The following JMJD1C variants were observed in gnomAD, a reference collection of about 807,000 sequenced individuals.
The protein encoded by JMJD1C is jumonji domain-containing protein 1C.
A neutral mutation model predicts 245.3 loss-of-function variants in JMJD1C; 31 were observed. The observed-to-expected ratio is 0.13, with a 90% confidence interval of 0.09 to 0.17. JMJD1C has a LOEUF of 0.17. Ranked by LOEUF, JMJD1C falls within the 10% of genes least tolerant of loss-of-function variation. The pLI, the probability that JMJD1C is intolerant of heterozygous loss-of-function variation, is 1.00. For missense variants in JMJD1C, 2,691 were observed against 3,000.2 expected, an observed-to-expected ratio of 0.90 and a Z score of 2.41; for synonymous variants, 1,057 against 1,017.4, an observed-to-expected ratio of 1.04 and a Z score of -0.74.
intron 3 of JMJD1C, among the ~76,000 whole-genome samples, chr10:63,238,637 GT>G (rs889130403): frequency 6.6e-6 from 1 of 152,082 alleles, no homozygotes; most frequent in African/African-American, 2.4e-5. Context: ...AGTTGTAACT[GT>G]TTTTTAGTTC....
intron 1 of JMJD1C, among the ~76,000 whole-genome samples, chr10:63,444,554 G>A (rs867246190): frequency 6.6e-6 from 1 of 151,950 alleles, no homozygotes; most frequent in Non-Finnish European, 1.5e-5. Flanking sequence ...GATTACAGGC[G>A]TGCGCCTCCG....
intron 1 of JMJD1C, among the ~76,000 whole-genome samples, chr10:63,512,604 G>C (rs889614883): frequency 6.6e-6 from 1 of 151,946 alleles, no homozygotes; most frequent in African/African-American, 2.4e-5. Flanking sequence ...TTCCTCCCTG[G>C]CCTCTTTCAA....
intron 3 of JMJD1C, among the ~76,000 whole-genome samples, chr10:63,236,712 C>G (rs567058020): frequency 6.6e-6 from 1 of 152,252 alleles, no homozygotes; most frequent in East Asian, 1.9e-4. Context: ...ACAACCCAAG[C>G]TTTAAGAAGT....
At chr10:63,352,100 C>G (rs191542753) in intron 2 of JMJD1C, among the ~76,000 whole-genome samples, 2 of 152,082 alleles carry the variant, frequency 1.3e-5, no homozygotes, top group Admixed American at 1.3e-4. Context: ...CCAATGAAGA[C>G]AGAAAACAAA....
At chr10:63,398,989 C>A (rs9415704) in intron 1 of JMJD1C, among the ~76,000 whole-genome samples, 1 of 152,188 alleles carries the variant, frequency 6.6e-6, no homozygotes, top group Non-Finnish European at 1.5e-5. Context: ...TCAAACCTTT[C>A]GCTTCTTGGA....
At chr10:63,475,052 C>T (rs1186304789) in intron 1 of JMJD1C, among the ~76,000 whole-genome samples, 2 of 151,892 alleles carry the variant, frequency 1.3e-5, no homozygotes, top group African/African-American at 2.4e-5. Context: ...GATGGTTAAG[C>T]GAGTATAAAA....
At chr10:63,460,161 T>A (rs905815433) in intron 1 of JMJD1C, among the ~76,000 whole-genome samples, 1 of 152,074 alleles carries the variant, frequency 6.6e-6, no homozygotes, top group Non-Finnish European at 1.5e-5. Flanking sequence ...AAAGATAGAA[T>A]GGATACTGCG....
At chr10:63,315,767 G>A (rs1376546466) in intron 2 of JMJD1C, among the ~76,000 whole-genome samples, 8 of 149,374 alleles carry the variant, frequency 5.4e-5, no homozygotes, top group South Asian at 4.2e-4. Context: ...TTGAACCCAC[G>A]AGGCAGAGGT....
intron 1 of JMJD1C, among the ~76,000 whole-genome samples, chr10:63,508,825 G>C (rs1027775274): frequency 1.3e-5 from 2 of 152,186 alleles, no homozygotes. Context: ...ACAAGTTCCA[G>C]AAGTAATTTT....
At chr10:63,432,152 C>G (rs1053175928) in intron 1 of JMJD1C, among the ~76,000 whole-genome samples, 18 of 152,314 alleles carry the variant, frequency 1.2e-4, no homozygotes, top group African/African-American at 3.8e-4. Context: ...GGCAAACTCT[C>G]CTCACTACCA....
chr10:63,205,813 T>C (rs1846537978), intron 10 of JMJD1C, among the ~76,000 whole-genome samples: 1 of 152,126 alleles, frequency 6.6e-6, no homozygotes, highest in African/African-American at 2.4e-5. Context: ...CTGTCATATA[T>C]ACATTCCATC....
rs1020421317 is a variant in JMJD1C, at chr10:63,465,592, C to A, written c.71G>T (p.Arg24Leu). 4 of 1,609,630 alleles carry A rather than the reference C, an allele frequency of 2.5e-6. No individual in the cohort carries two copies. The highest frequency in any genetic ancestry group is 3.4e-6 in the Non-Finnish European group (4 of 1,179,874). Residue 24 changes from arginine (R) to leucine (L), a missense_variant, in exon 1 of 26, where the codon CGT (arginine) becomes CTT (leucine). Arg to Leu is a moderately radical substitution (Grantham distance 102). This residue lies in a region of JMJD1C where 135 missense variants were observed against 115.5 expected (regional missense o/e 1.17). Transcript: ENST00000399262. Reference sequence around the variant, plus strand: ...GCGTCCGCTCTCCCAGCGCTCCGAACGTGCCTCGTCGCCGACCGCCACACA... The same window carrying A: ...GCGTCCGCTCTCCCAGCGCTCCGAAAGTGCCTCGTCGCCGACCGCCACACA... The part of the protein sequence containing the change: ...FLCVAVGDEA[R>L]SERWESGRGW...
Position 63,206,617 on chromosome 10 carries a change from C to T in JMJD1C, c.5052G>A (p.Leu1684=). 2 of 1,592,544 alleles carry T rather than the reference C, an allele frequency of 1.3e-6. No homozygotes were observed. The highest frequency in any genetic ancestry group is 2.2e-5 in the East Asian group (1 of 44,726). Residue 1684 remains leucine (L), a synonymous_variant, in exon 10 of 26, where the codon CTG becomes CTA. Coordinates refer to ENST00000399262, the MANE Select transcript of JMJD1C (RefSeq NM_032776.3). ...TACTATTACTGTTGCTTTGCAACTT[C>T]AGTTTACTTCTTTCTTTGGCACTCC... The part of the protein sequence containing the change: ...LSRSAKERSK[L]KLQSNSNTGI...
At chr10:63,190,745 AAG>A (rs1474835990) in intron 17 of JMJD1C, 147 bp downstream of exon 17, 2 of 652,650 alleles carry the variant, frequency 3.1e-6, no homozygotes, top group Admixed American at 2.7e-5. Flanking sequence ...TTTCAAGGTA[AAG>A]AGAGTTATAA....
upstream of JMJD1C, among the ~76,000 whole-genome samples, chr10:63,467,420 A>G (rs187357525): frequency 2.7e-4 from 41 of 152,346 alleles, no homozygotes; most frequent in East Asian, 5.2e-3. Context: ...CAGCAGGAGA[A>G]TCACTTGAAC....
chr10:63,199,938 G>C (rs1589129046), intron 11 of JMJD1C, among the ~76,000 whole-genome samples: 1 of 152,062 alleles, frequency 6.6e-6, no homozygotes, highest in Non-Finnish European at 1.5e-5. Context: ...ACCTCTCTTA[G>C]GTAGGTACTA....
In JMJD1C at chr10:63,189,248, C is replaced by T; in HGVS notation, c.6490G>A (p.Glu2164Lys). Reference sequence around the variant, plus strand: ...TCCTTAAGCCATAAAATATGCTTCTCACAGATCCAAGAATGTGGTATATCA... The same window carrying T: ...TCCTTAAGCCATAAAATATGCTTCTTACAGATCCAAGAATGTGGTATATCA... ...YSDIPHSWIC[E>K]KHILWLKDYK... The change falls in exon 18 of 26, where the codon GAG (glutamate) becomes AAG (lysine). Residue 2164 changes from glutamate (E) to lysine (K), a missense_variant. Physicochemically the swap from Glu to Lys is moderately conservative, Grantham distance 56 (BLOSUM62 1). Around this residue, in one of 9 missense-constraint regions of JMJD1C, gnomAD observed 275 missense variants for 285.5 expected, o/e 0.96. Transcript: ENST00000399262. The T allele has an allele frequency of 6.2e-7, 1 of 1,613,048 alleles. No homozygotes were observed. The highest frequency in any genetic ancestry group is 2.2e-5 in the East Asian group (1 of 44,790).
intron 2 of JMJD1C, among the ~76,000 whole-genome samples, chr10:63,366,064 T>C (rs994597727): frequency 2.0e-5 from 3 of 152,198 alleles, no homozygotes; most frequent in South Asian, 2.1e-4. Context: ...AATGAGCACA[T>C]AGACCCTACT....
At chr10:63,254,879 G>T (rs1033771061) in intron 3 of JMJD1C, among the ~76,000 whole-genome samples, 1 of 143,484 alleles carries the variant, frequency 7.0e-6, no homozygotes, top group Non-Finnish European at 1.5e-5. Context: ...TATGAGATAG[G>T]GTCTCCCTCT....
Sources: allele counts gnomAD v4.1 joint callset (sites outside exome capture counted in the v4.1 genomes callset), GRCh38; gene constraint gnomAD v4.1.1; regional missense constraint gnomAD v4.1.1; transcripts MANE v1.5; gene names NCBI Gene and HGNC (gene_info 2026-07-23, HGNC 2026-07-21).